The following EIF4B variants were observed in gnomAD, a reference collection of about 807,000 sequenced individuals.
The protein encoded by EIF4B is eukaryotic translation initiation factor 4B.
A neutral mutation model predicts 79.3 loss-of-function variants in EIF4B; 8 were observed. The ratio of observed to expected loss-of-function variants is 0.10; its 90% CI spans 0.06 to 0.18. The LOEUF is 0.18. Among genes scored for constraint, EIF4B ranks in the 10% least tolerant of loss-of-function variants. The pLI is 1.00. For synonymous variants in EIF4B, 238 were observed against 274.7 expected (o/e 0.87, Z 1.32); for missense variants, 515 against 792.4 (o/e 0.65, Z 4.20).
At chr12:53,027,697 CT>C in intron 6 of EIF4B, 84 bp from the exon 7 acceptor site, 1 of 1,469,354 alleles carries the variant, frequency 6.8e-7, no homozygotes, top group East Asian at 2.3e-5. Context: ...TAAACAGATT[CT>C]TCCAAATTGG....
intron 6 of EIF4B, 142 bp downstream of exon 6, chr12:53,022,769 A>G (rs1267691015): frequency 5.5e-6 from 6 of 1,085,252 alleles, no homozygotes; most frequent in Non-Finnish European, 7.4e-6. Flanking sequence ...ATAGTATCTG[A>G]AAGAACTGAT....
chr12:53,025,950 A>C (rs1943326633), intron 6 of EIF4B, among the ~76,000 whole-genome samples: 1 of 152,068 alleles, frequency 6.6e-6, no homozygotes, highest in Admixed American at 6.6e-5. Flanking sequence ...TACTAAAAAT[A>C]CAAAAAAAAA....
At chr12:53,034,956 CTTTT>C (rs72498436) in intron 10 of EIF4B, among the ~76,000 whole-genome samples, 9 of 90,152 alleles carry the variant, frequency 1.0e-4, no homozygotes, top group African/African-American at 2.1e-4. Context: ...TTGTCTCTCT[CTTTT>C]TTTTTTTTTT....
In EIF4B at chr12:53,027,136, A is replaced by ATTTT. The variant is rs777111413; in HGVS notation, c.668-646_668-645insTTTT. ...GAGACTGTCTCTCAAAAAAAAAAAA[A>ATTTT]ATTTTTTTTTTTTTTTTTTTTGAGA... On this transcript the variant is annotated intron_variant, in intron 6 of 14. Coordinates refer to ENST00000262056, the MANE Select transcript of EIF4B (RefSeq NM_001417.7). 6.4e-4 allele frequency among the ~76,000 whole-genome samples: 19 copies of ATTTT among 29,494 alleles called. 5 individuals carry two copies. In the East Asian group the frequency reaches 0.015, roughly 23 times the overall value. 19.3% of individuals were successfully genotyped at this position (29,494 alleles called of 152,430 possible).
At chr12:53,017,368 G>C (rs1027834938) in intron 2 of EIF4B, among the ~76,000 whole-genome samples, 1 of 152,076 alleles carries the variant, frequency 6.6e-6, no homozygotes, top group Non-Finnish European at 1.5e-5. Context: ...TTGGGTAAAC[G>C]AAAATGGTCT....
At position 53,030,799 on chromosome 12, in the gene EIF4B, G is replaced by C. The variant is rs939211566; in HGVS notation, c.979+2611G>C. Among the ~76,000 whole-genome samples, 12 of 152,124 alleles carry C rather than the reference G, an allele frequency of 7.9e-5. 1 individual carries two copies. Among genetic ancestry groups the C allele is most frequent in the Admixed American group, 7.9e-4 (12 of 15,260 alleles). ...ATTAACCATTTACTCTGTTCCATCA[G>C]TGAGCTGAGGGCTTGTACAAGTATT... is the stretch of plus-strand genomic sequence containing the variant. On this transcript the variant is annotated intron_variant, in intron 8 of 14. Transcript: ENST00000262056.
rs532015319 is a variant in EIF4B at position 53,029,913 on chromosome 12, A to G, written c.979+1725A>G. Among the ~76,000 whole-genome samples the G allele has an allele frequency of 1.5e-3, 150 of 100,346 alleles. 1 individual carries two copies. Among genetic ancestry groups the G allele is most frequent in the African/African-American group, 4.2e-3 (142 of 33,986 alleles). 65.8% of individuals were successfully genotyped at this position (100,346 alleles called of 152,430 possible). On this transcript the variant is annotated intron_variant, in intron 8 of 14. Transcript: ENST00000262056. ...TCCTCAAAATAATAATAATAATTCAATGTTTGTTTTTTTTAAAAAAAACTT... is the reference window on the plus strand; with the variant it reads ...TCCTCAAAATAATAATAATAATTCAGTGTTTGTTTTTTTTAAAAAAAACTT...
chr12:53,028,103 T>C lies in EIF4B; in HGVS notation c.894T>C (p.Tyr298=), dbSNP rs1018645760. The C allele has an allele frequency of 1.2e-6, 2 of 1,613,938 alleles. No individual in the cohort carries two copies. Among genetic ancestry groups the C allele is most frequent in the Non-Finnish European group, 8.5e-7 (1 of 1,179,986 alleles). The change falls in exon 8 of 15, where the codon TAT becomes TAC. Residue 298 remains tyrosine, a synonymous_variant. Coordinates refer to ENST00000262056, the MANE Select transcript of EIF4B (RefSeq NM_001417.7). The stretch of plus-strand genomic sequence containing the variant: ...ACTACAGAGGAGGCGGGGACCGCTA[T>C]GAAGACCGATATGACAGACGGGATG... The part of the protein sequence containing the change: ...DDDYRGGGDR[Y]EDRYDRRDDR...
chr12:53,037,258 C>T, intron 10 of EIF4B, 151 bp from the exon 11 acceptor site: 1 of 815,832 alleles, frequency 1.2e-6, no homozygotes, highest in South Asian at 1.8e-5. Flanking sequence ...AGACATTGTT[C>T]TGGAAATACT....
chr12:53,023,781 C>T (rs1414497963), intron 6 of EIF4B, among the ~76,000 whole-genome samples: 1 of 151,150 alleles, frequency 6.6e-6, no homozygotes, highest in Admixed American at 6.6e-5. Context: ...TGGGGTTTCT[C>T]CATGTTGGTC....
At chr12:53,026,095 G>A (rs1420651878) in intron 6 of EIF4B, among the ~76,000 whole-genome samples, 2 of 150,932 alleles carry the variant, frequency 1.3e-5, no homozygotes, top group Non-Finnish European at 2.9e-5. Context: ...GTGAGACTCC[G>A]TCTCAAAAAA....
chr12:53,009,146 T>C (rs1943020006), intron 1 of EIF4B, among the ~76,000 whole-genome samples: 1 of 152,254 alleles, frequency 6.6e-6, no homozygotes, highest in Non-Finnish European at 1.5e-5. Flanking sequence ...TCAGTTTCTT[T>C]ATCTGGAAAG....
intron 3 of EIF4B, 94 bp from the exon 4 acceptor site, chr12:53,019,816 C>A: frequency 3.5e-6 from 4 of 1,157,972 alleles, no homozygotes; most frequent in Non-Finnish European, 5.0e-6. Context: ...CAGAAAAATT[C>A]ATGCACATAC....
intron 6 of EIF4B, among the ~76,000 whole-genome samples, chr12:53,026,353 C>T (rs1056688849): frequency 2.6e-5 from 4 of 152,138 alleles, no homozygotes; most frequent in East Asian, 1.9e-4. Context: ...TGAGCTACTA[C>T]GTTTCTTTAT....
At chr12:53,037,740 CT>C in intron 11 of EIF4B, 118 bp downstream of exon 11, 1 of 1,115,824 alleles carries the variant, frequency 9.0e-7, no homozygotes, top group Non-Finnish European at 1.3e-6. Context: ...GTTATGCTGG[CT>C]TTAGTCTCTT....
intron 13 of EIF4B, 133 bp from the exon 14 acceptor site, chr12:53,039,497 T>C: frequency 7.9e-7 from 1 of 1,269,012 alleles, no homozygotes; most frequent in Non-Finnish European, 1.1e-6. Context: ...AATCTAGAAG[T>C]AATACATCAT....
At chr12:53,027,137 A>AAATTTTTTTTTTTTTTTTTTTTTTTT (rs1491387300) in intron 6 of EIF4B, among the ~76,000 whole-genome samples, 1 of 25,722 alleles carries the variant, frequency 3.9e-5, no homozygotes, top group African/African-American at 8.2e-5. Flanking sequence ...AAAAAAAAAA[A>AAATTTTTTTTTTTTTTTTTTTTTTTT]TTTTTTTTTT....
Position 53,039,946 on chromosome 12 carries a change from G to C in EIF4B, c.1756-197G>C. The C allele has an allele frequency of 4.2e-6, 3 of 709,154 alleles. No individual in the cohort carries two copies. In the South Asian group the frequency reaches 5.6e-5, roughly 13 times the overall value. 43.9% of individuals were successfully genotyped at this position (709,154 alleles called of 1,614,324 possible). ...ATCCCTTCTGCAAGGTGTAGAGGTG[G>C]TATGAGACTATAGTAAGATCGCATG... On this transcript the variant is annotated intron_variant, in intron 14 of 14. Coordinates refer to ENST00000262056, the MANE Select transcript of EIF4B (RefSeq NM_001417.7).
chr12:53,027,123 C>CA (rs1001491962), intron 6 of EIF4B, among the ~76,000 whole-genome samples: 36 of 80,538 alleles, frequency 4.5e-4, no homozygotes, highest in East Asian at 2.5e-3. Flanking sequence ...GACTGTCTCT[C>CA]AAAAAAAAAA....
Sources: allele counts gnomAD v4.1 joint callset (sites outside exome capture counted in the v4.1 genomes callset), GRCh38; gene constraint gnomAD v4.1.1; transcripts MANE v1.5; gene names NCBI Gene and HGNC (gene_info 2026-07-23, HGNC 2026-07-21).